RBM19: variants seen among roughly 807,000 people sequenced by gnomAD.
RBM19 encodes RNA binding motif protein 19, also known as probable RNA-binding protein 19.
A neutral mutation model predicts 116.8 loss-of-function variants in RBM19; 94 were observed. The ratio of observed to expected loss-of-function variants is 0.80; its 90% CI spans 0.68 to 0.95. The LOEUF is 0.95. RBM19 is among the 40% of genes least tolerant of loss of function. RBM19 has a pLI of 0.00. For synonymous variants in RBM19, 475 were observed against 494.1 expected (o/e 0.96, Z 0.51); for missense variants, 1,161 against 1,220.7 (o/e 0.95, Z 0.73).
At chr12:113,905,587 G>A (rs1391727113) in intron 21 of RBM19, among the ~76,000 whole-genome samples, 1 of 152,014 alleles carries the variant, frequency 6.6e-6, no homozygotes, top group East Asian at 1.9e-4. Flanking sequence ...TAACCAGGAA[G>A]GAGAAAGAAT....
At chr12:113,854,579 A>G (rs991477361) in intron 22 of RBM19, among the ~76,000 whole-genome samples, 1 of 152,116 alleles carries the variant, frequency 6.6e-6, no homozygotes, top group African/African-American at 2.4e-5. Context: ...TTTCAGAGGG[A>G]CTGACATTTA....
chr12:113,859,426 T>C (rs1391452778), intron 21 of RBM19, among the ~76,000 whole-genome samples: 2 of 152,144 alleles, frequency 1.3e-5, no homozygotes, highest in South Asian at 2.1e-4. Flanking sequence ...ACCTGGGACA[T>C]GTATTTCTTC....
chr12:113,894,264 C>A (rs1227064522), intron 21 of RBM19, among the ~76,000 whole-genome samples: 3 of 152,154 alleles, frequency 2.0e-5, no homozygotes, highest in African/African-American at 7.2e-5. Flanking sequence ...CACAACAGGG[C>A]AGTATGTGTG....
intron 21 of RBM19, among the ~76,000 whole-genome samples, chr12:113,907,179 A>G (rs1045339671): frequency 1.3e-5 from 2 of 152,162 alleles, no homozygotes; most frequent in African/African-American, 4.8e-5. Context: ...AGAAACTGGT[A>G]CTGGTCTTAT....
At chr12:113,944,828 T>C (rs943234319) in intron 13 of RBM19, among the ~76,000 whole-genome samples, 2 of 143,874 alleles carry the variant, frequency 1.4e-5, no homozygotes, top group Non-Finnish European at 3.1e-5. Flanking sequence ...CATGTGTATA[T>C]ATGTATATGA....
intron 21 of RBM19, among the ~76,000 whole-genome samples, chr12:113,907,530 A>C (rs186568666): frequency 6.6e-6 from 1 of 152,264 alleles, no homozygotes; most frequent in Non-Finnish European, 1.5e-5. Context: ...GAAGAGTGGG[A>C]ATATCCTGAT....
intron 21 of RBM19, among the ~76,000 whole-genome samples, chr12:113,895,907 T>A (rs1189097705): frequency 1.3e-5 from 2 of 151,082 alleles, no homozygotes; most frequent in Non-Finnish European, 1.5e-5. Context: ...TGTGTATATA[T>A]AAAAATCCAA....
intron 1 of RBM19, among the ~76,000 whole-genome samples, chr12:113,965,115 A>C (rs1872761648): frequency 6.6e-6 from 1 of 151,920 alleles, no homozygotes; most frequent in Non-Finnish European, 1.5e-5. Context: ...TCTACTAAAA[A>C]TAAAAAAATT....
intron 13 of RBM19, among the ~76,000 whole-genome samples, chr12:113,942,848 C>CAAT (rs558588847): frequency 9.2e-5 from 14 of 152,258 alleles, no homozygotes; most frequent in African/African-American, 2.4e-4. Flanking sequence ...TAGGCTTAAG[C>CAAT]AATCCACCTG....
At chr12:113,838,510 G>A (rs759307001) in intron 23 of RBM19, among the ~76,000 whole-genome samples, 1 of 152,202 alleles carries the variant, frequency 6.6e-6, no homozygotes, top group Non-Finnish European at 1.5e-5. Context: ...ACACCACAGG[G>A]AGAGCACACA....
At chr12:113,895,099 C>T (rs1006227175) in intron 21 of RBM19, among the ~76,000 whole-genome samples, 1 of 152,260 alleles carries the variant, frequency 6.6e-6, no homozygotes, top group Non-Finnish European at 1.5e-5. Flanking sequence ...CAGGGCCCAG[C>T]AGGTCCTGAA....
Position 113,966,318 on chromosome 12 carries a change from A to G in RBM19, c.-91T>C. On this transcript the variant is annotated 5_prime_UTR_variant, in exon 1 of 24. Transcript: ENST00000261741. ...TACCGCCCTGGGCGCCGCCATCTTT[A>G]CCGAGCCGGAACACAGTCACGTGGC... 2 of 1,537,266 alleles carry G rather than the reference A, an allele frequency of 1.3e-6. No homozygotes were observed. The highest frequency in any genetic ancestry group is 2.2e-5 in the South Asian group (2 of 89,184).
chr12:113,916,702 A>G (rs1882796729), intron 20 of RBM19, among the ~76,000 whole-genome samples: 1 of 152,136 alleles, frequency 6.6e-6, no homozygotes, highest in Admixed American at 6.5e-5. Context: ...CCAGAAAGAG[A>G]TCCCCAAGGT....
At chr12:113,899,195 C>T (rs976811967) in intron 21 of RBM19, among the ~76,000 whole-genome samples, 12 of 152,198 alleles carry the variant, frequency 7.9e-5, no homozygotes, top group Admixed American at 5.2e-4. Context: ...TCAGTTTCCT[C>T]AGGGAGGATC....
intron 5 of RBM19, 135 bp downstream of exon 5, chr12:113,959,077 G>T: frequency 1.2e-6 from 1 of 839,618 alleles, no homozygotes; most frequent in Non-Finnish European, 1.8e-6. Context: ...ACCTGCAGAG[G>T]GATCATCACC....
chr12:113,943,035 G>A (rs969860971), intron 13 of RBM19, among the ~76,000 whole-genome samples: 2 of 152,068 alleles, frequency 1.3e-5, no homozygotes, highest in Non-Finnish European at 2.9e-5. Context: ...TCATCTCACC[G>A]CAGGGCTCCT....
At chr12:113,876,107 A>T (rs1879655324) in intron 21 of RBM19, among the ~76,000 whole-genome samples, 1 of 152,212 alleles carries the variant, frequency 6.6e-6, no homozygotes, top group Non-Finnish European at 1.5e-5. Flanking sequence ...GAAATAATTA[A>T]AACCAGACTA....
downstream of RBM19, among the ~76,000 whole-genome samples, chr12:113,821,176 G>A (rs947249322): frequency 6.6e-6 from 1 of 152,172 alleles, no homozygotes; most frequent in African/African-American, 2.4e-5. Flanking sequence ...CAGAGCCCAT[G>A]TCTGCTCACC....
chr12:113,930,363 A>G (rs969801855), intron 16 of RBM19, among the ~76,000 whole-genome samples: 1 of 152,204 alleles, frequency 6.6e-6, no homozygotes, highest in Non-Finnish European at 1.5e-5. Context: ...CTGGTCTATG[A>G]GCAGTGGCTG....
Sources: allele counts gnomAD v4.1 joint callset (sites outside exome capture counted in the v4.1 genomes callset), GRCh38; gene constraint gnomAD v4.1.1; transcripts MANE v1.5; gene names NCBI Gene and HGNC (gene_info 2026-07-23, HGNC 2026-07-21).